CDK2AP1: variants seen among roughly 807,000 people sequenced by gnomAD.
CDK2AP1 encodes cyclin-dependent kinase 2-associated protein 1.
A neutral mutation model predicts 14.1 loss-of-function variants in CDK2AP1; 10 were observed. The observed-to-expected ratio is 0.71, with a 90% CI of 0.44 to 1.20. CDK2AP1 has a LOEUF of 1.20. Among genes scored for constraint, CDK2AP1 ranks in the 50% most tolerant of loss-of-function variants. CDK2AP1 has a pLI of 0.00. For synonymous variants in CDK2AP1, 59 were observed against 59.8 expected (o/e 0.99, Z 0.06); for missense variants, 102 against 149.9 (o/e 0.68, Z 1.67).
intron 1 of CDK2AP1, among the ~76,000 whole-genome samples, chr12:123,268,620 C>T (rs1271058576): frequency 1.3e-5 from 2 of 152,248 alleles, no homozygotes; most frequent in African/African-American, 4.8e-5. Context: ...GGACTTGGAT[C>T]CTGAACTGGG....
chr12:123,267,306 C>G (rs2138819101), intron 1 of CDK2AP1, 24 bp from the exon 2 acceptor site: 2 of 1,459,284 alleles, frequency 1.4e-6, no homozygotes, highest in East Asian at 4.5e-5. Flanking sequence ...AGAGAGAGGC[C>G]AGGAGTCAGC....
chr12:123,262,915 T>C (rs1305298862), intron 3 of CDK2AP1, among the ~76,000 whole-genome samples: 3 of 152,038 alleles, frequency 2.0e-5, no homozygotes, highest in Non-Finnish European at 2.9e-5. Context: ...ATTTTTTTTT[T>C]CAACCATTAA....
Position 123,265,304 on chromosome 12 carries a change from C to G in CDK2AP1, c.172G>C (p.Val58Leu). Residue 58 changes from valine to leucine, a missense_variant, in exon 3 of 4, where the codon GTG (valine) becomes CTG (leucine). Physicochemically the swap from Val to Leu is conservative, Grantham distance 32. This residue lies in a region of CDK2AP1 where 52 missense variants were observed against 107.2 expected (regional missense o/e 0.48). Coordinates refer to ENST00000261692, the MANE Select transcript of CDK2AP1 (RefSeq NM_004642.4). This position sits in a 1 kb window ranked among gnomAD's most constrained non-coding sequence, Gnocchi z 5.3. ...GYTQGTGNSQ[V>L]PQSKYAELLA... ...AGCTCCGCGTATTTGCTTTGGGGCACCTGGCTGTTCCCAGTTCCCTAGAAT... is the reference window on the plus strand; with the variant it reads ...AGCTCCGCGTATTTGCTTTGGGGCAGCTGGCTGTTCCCAGTTCCCTAGAAT... The G allele has an allele frequency of 6.2e-7, 1 of 1,614,154 alleles. No individual in the cohort carries two copies. The highest frequency in any genetic ancestry group is 8.5e-7 in the Non-Finnish European group (1 of 1,180,032).
At chr12:123,263,050 C>T (rs548358084) in intron 3 of CDK2AP1, among the ~76,000 whole-genome samples, 1 of 151,788 alleles carries the variant, frequency 6.6e-6, no homozygotes, top group Non-Finnish European at 1.5e-5. Flanking sequence ...CCCATCTCTA[C>T]TAAAAATACA....
chr12:123,266,350 C>CGCTT (rs1389634756), intron 2 of CDK2AP1, among the ~76,000 whole-genome samples: 2 of 152,268 alleles, frequency 1.3e-5, no homozygotes, highest in African/African-American at 4.8e-5. Context: ...CCACAGCCAC[C>CGCTT]GCTTCTTCAG....
intron 1 of CDK2AP1, among the ~76,000 whole-genome samples, chr12:123,268,787 G>A (rs1428986214): frequency 2.0e-5 from 3 of 152,188 alleles, no homozygotes; most frequent in Admixed American, 2.0e-4. Flanking sequence ...GGCCACTGCA[G>A]GAATTGGGCA....
Position 123,261,768 on chromosome 12 carries a change from A to G in CDK2AP1, c.316T>C (p.Leu106=), listed in dbSNP as rs2048235066. ...IHARGLVREC[L]AETERNARS is the part of the protein sequence containing the mutation. ...CTGGCATTCCGTTCCGTTTCTGCCA[A>G]GCACTCCCGAACCAGTCCTCTAGCG... The change falls in exon 4 of 4, where the codon TTG becomes CTG. Residue 106 remains leucine, a synonymous_variant. Coordinates refer to ENST00000261692, the MANE Select transcript of CDK2AP1 (RefSeq NM_004642.4). 3.1e-6 allele frequency: 5 copies of G among 1,614,018 alleles called. No individual in the cohort carries two copies. Among genetic ancestry groups the G allele is most frequent in the Non-Finnish European group, 4.2e-6 (5 of 1,179,964 alleles).
Position 123,261,589 on chromosome 12 carries a change from G to T in CDK2AP1, c.*147C>A. 1 of 606,840 alleles carries T rather than the reference G, an allele frequency of 1.6e-6. No homozygotes were observed. Among genetic ancestry groups the T allele is most frequent in the Non-Finnish European group, 2.9e-6 (1 of 341,522 alleles). The allele number at this position is 606,840 out of a possible 1,614,324, so 37.6% of individuals were successfully genotyped here. A position where few individuals can be genotyped will look rare whatever the true frequency, so the allele number is the denominator to read the frequency against. On this transcript the variant is annotated 3_prime_UTR_variant, in exon 4 of 4. Coordinates refer to ENST00000261692, the MANE Select transcript of CDK2AP1 (RefSeq NM_004642.4). ...TGCAAAATCTTTTCTCAATCTTTGA[G>T]ACTGTAGGTTCAGAGCCAAGTGAAC...
At chr12:123,262,067 C>A in intron 3 of CDK2AP1, 1 of 372,120 alleles carries the variant, frequency 2.7e-6, no homozygotes, top group Non-Finnish European at 4.9e-6. Flanking sequence ...GCAAGCTGTC[C>A]TTCCACGACA....
Position 123,271,678 on chromosome 12 carries a change from G to C in CDK2AP1, c.-60C>G. 1 of 686,526 alleles carries C rather than the reference G, an allele frequency of 1.5e-6. No homozygotes were observed. The highest frequency in any genetic ancestry group is 1.8e-6 in the Non-Finnish European group (1 of 559,904). 42.5% of individuals were successfully genotyped at this position (686,526 alleles called of 1,614,324 possible). On this transcript the variant is annotated 5_prime_UTR_variant, in exon 1 of 4. Transcript: ENST00000261692. ...GCCAGGCCGCGAGGGCGGCGGCGGCGGCGGCGAGGCCGGGCGGTAGCGCTG... is the reference window on the plus strand; with the variant it reads ...GCCAGGCCGCGAGGGCGGCGGCGGCCGCGGCGAGGCCGGGCGGTAGCGCTG...
At chr12:123,266,384 C>A (rs369877163) in intron 2 of CDK2AP1, among the ~76,000 whole-genome samples, 3 of 152,290 alleles carry the variant, frequency 2.0e-5, no homozygotes, top group African/African-American at 4.8e-5. Context: ...CAGGCCCACA[C>A]CTGCTTCTCC....
chr12:123,267,065 G>A (rs959227980), intron 2 of CDK2AP1, 120 bp downstream of exon 2: 4 of 721,646 alleles, frequency 5.5e-6, no homozygotes, highest in African/African-American at 5.2e-5. Flanking sequence ...GCCTTGGGCT[G>A]AGAAAGCTCC....
chr12:123,268,283 T>C, intron 1 of CDK2AP1: 1 of 972,050 alleles, frequency 1.0e-6, no homozygotes, highest in Non-Finnish European at 1.2e-6. Flanking sequence ...GGTGCCAGGC[T>C]GGCCAAACCC....
chr12:123,267,046 G>A (rs1033455645), intron 2 of CDK2AP1, 139 bp downstream of exon 2: 10 of 660,980 alleles, frequency 1.5e-5, no homozygotes, highest in Admixed American at 4.2e-5. Flanking sequence ...GAGCAGGAGC[G>A]CAGCCAGGGC....
At chr12:123,264,024 G>C (rs1196356401) in intron 3 of CDK2AP1, among the ~76,000 whole-genome samples, 2 of 151,816 alleles carry the variant, frequency 1.3e-5, no homozygotes, top group Non-Finnish European at 2.9e-5. Context: ...CAGGAAAATT[G>C]TTTGAACCCG....
At chr12:123,271,138 C>T (rs1336974531) in intron 1 of CDK2AP1, 2 of 562,160 alleles carry the variant, frequency 3.6e-6, no homozygotes, top group Non-Finnish European at 4.5e-6. Context: ...GCTTCACGAC[C>T]CCGCTCCCCA....
intron 3 of CDK2AP1, among the ~76,000 whole-genome samples, chr12:123,264,285 C>T (rs2048264156): frequency 6.6e-6 from 1 of 151,722 alleles, no homozygotes; most frequent in Non-Finnish European, 1.5e-5. Flanking sequence ...TTGGAGAAAC[C>T]CTGTCTCTAC....
chr12:123,268,214 C>G (rs931867967), intron 1 of CDK2AP1: 6 of 985,468 alleles, frequency 6.1e-6, no homozygotes, highest in Non-Finnish European at 7.2e-6. Flanking sequence ...CAGAGCCACA[C>G]GGTCTCTCTC....
intron 3 of CDK2AP1, among the ~76,000 whole-genome samples, chr12:123,263,160 G>A (rs567811222): frequency 2.0e-4 from 29 of 147,366 alleles, no homozygotes; most frequent in Non-Finnish European, 2.7e-4. Context: ...GCAGTGAGCC[G>A]AGATCGCGCC....
Sources: allele counts gnomAD v4.1 joint callset (sites outside exome capture counted in the v4.1 genomes callset), GRCh38; gene constraint gnomAD v4.1.1; regional missense constraint gnomAD v4.1.1; non-coding constraint Gnocchi (gnomAD v3.1); transcripts MANE v1.5; gene names NCBI Gene and HGNC (gene_info 2026-07-23, HGNC 2026-07-21).